Variants in SYT6 observed in about 807,000 individuals in gnomAD.
SYT6 encodes the protein synaptotagmin 6.
Under a neutral mutation model 38.4 loss-of-function variants are expected in SYT6, and 24 were observed. That is an observed-to-expected ratio of 0.62 (90% CI 0.45 to 0.88). The LOEUF is 0.88. SYT6 is among the 40% of genes least tolerant of loss of function. The probability of loss-of-function intolerance (pLI) is 0.00; values close to 1 mark genes in which losing one functional copy is unlikely to be tolerated. For missense variants in SYT6, 611 were observed against 621.0 expected, an observed-to-expected ratio of 0.98 and a Z score of 0.17; for synonymous variants, 265 against 241.9, an observed-to-expected ratio of 1.10 and a Z score of -0.89.
At chr1:114,098,746 A>T (rs1557730568) in intron 5 of SYT6, among the ~76,000 whole-genome samples, 1 of 152,214 alleles carries the variant, frequency 6.6e-6, no homozygotes, top group Non-Finnish European at 1.5e-5. Flanking sequence ...GGGTGACAGT[A>T]GTAGCAACAG....
At chr1:114,093,910 C>G (rs1486282111) in intron 6 of SYT6, 107 bp from the exon 7 acceptor site, 4 of 1,024,900 alleles carry the variant, frequency 3.9e-6, no homozygotes, top group African/African-American at 1.6e-5. Flanking sequence ...TACTAATGCT[C>G]TTATTTAACA....
intron 7 of SYT6, 33 bp downstream of exon 7, chr1:114,093,701 AC>A: frequency 6.2e-7 from 1 of 1,601,960 alleles, no homozygotes; most frequent in Non-Finnish European, 8.5e-7. Context: ...GTAATAAGCA[AC>A]CTAACGTCTT....
At chr1:114,106,773 C>A (rs949618227) in intron 3 of SYT6, among the ~76,000 whole-genome samples, 6 of 152,136 alleles carry the variant, frequency 3.9e-5, no homozygotes, top group Non-Finnish European at 8.8e-5. Context: ...CTCCCGAACA[C>A]CCCTGCAGGG....
intron 3 of SYT6, among the ~76,000 whole-genome samples, chr1:114,129,447 T>A (rs1296642525): frequency 6.6e-6 from 1 of 151,934 alleles, no homozygotes; most frequent in African/African-American, 2.4e-5. Context: ...TCCCACTTCA[T>A]CTTTCACTCT....
intron 6 of SYT6, among the ~76,000 whole-genome samples, chr1:114,094,387 C>G (rs550934160): frequency 6.6e-6 from 1 of 152,204 alleles, no homozygotes; most frequent in Non-Finnish European, 1.5e-5. Context: ...TTTAACATCT[C>G]TGGCAGATGA....
chr1:114,131,644 G>T (rs866461244), intron 3 of SYT6, among the ~76,000 whole-genome samples: 1 of 152,168 alleles, frequency 6.6e-6, no homozygotes, highest in Non-Finnish European at 1.5e-5. Context: ...GATATGGAGG[G>T]CTCTTGCTTT....
At chr1:114,144,114 G>A (rs75211902) in intron 1 of SYT6, among the ~76,000 whole-genome samples, 1,965 of 152,226 alleles carry the variant, frequency 0.013, 44 homozygotes, top group African/African-American at 0.045. Context: ...CATCATCATC[G>A]TCACCCCAGA....
intron 3 of SYT6, among the ~76,000 whole-genome samples, chr1:114,112,043 C>T (rs1676717415): frequency 6.6e-6 from 1 of 152,174 alleles, no homozygotes; most frequent in Non-Finnish European, 1.5e-5. Flanking sequence ...CTGCTGGGTG[C>T]TGGGGCAGGT....
In SYT6 at chr1:114,091,506, A is replaced by G. The variant is rs1675299191; in HGVS notation, c.*628T>C. 6.6e-6 allele frequency: 1 copy of G among 152,528 alleles called. No homozygotes were observed. Among genetic ancestry groups the G allele is most frequent in the African/African-American group, 2.4e-5 (1 of 41,464 alleles). The allele number at this position is 152,528 out of a possible 1,614,324, so 9.4% of individuals were successfully genotyped here. ...GTCCCAGCGTGGTTTATGTCCTGCC[A>G]GCGAAGAGCTTCAAAGACTAGTAAT... On this transcript the variant is annotated 3_prime_UTR_variant, in exon 8 of 8. Coordinates refer to ENST00000610222, the MANE Select transcript of SYT6 (RefSeq NM_001253772.2).
intron 3 of SYT6, among the ~76,000 whole-genome samples, chr1:114,121,991 C>G (rs1425886386): frequency 3.9e-5 from 6 of 152,200 alleles, no homozygotes; most frequent in African/African-American, 1.4e-4. Flanking sequence ...ACAGGCCACA[C>G]AGTGGAGCCA....
rs754874998 is a variant in SYT6 at position 114,139,780 on chromosome 1, G to A, written c.347C>T (p.Ala116Val). The A allele has an allele frequency of 8.7e-6, 14 of 1,612,220 alleles. No homozygotes were observed. The highest frequency in any genetic ancestry group is 2.7e-5 in the African/African-American group (2 of 74,902). ...LQSPSFRGNM[A>V]DKLKDPSTLG... ...GGTGCTGGGGTCCTTCAGCTTGTCC[G>A]CCATGTTGCCTCTGAAGCTGGGGCT... The change falls in exon 2 of 8, where the codon GCG (alanine) becomes GTG (valine). Residue 116 changes from alanine to valine, a missense_variant. Ala to Val is a moderately conservative substitution (Grantham distance 64). Coordinates refer to ENST00000610222, the MANE Select transcript of SYT6 (RefSeq NM_001253772.2).
chr1:114,137,625 A>C lies in SYT6; in HGVS notation c.941T>G (p.Leu314Arg), dbSNP rs1278476764. 1 of 1,614,058 alleles carries C rather than the reference A, an allele frequency of 6.2e-7. No homozygotes were observed. Among genetic ancestry groups the C allele is most frequent in the African/African-American group, 1.3e-5 (1 of 74,920 alleles). ...GAAGCGGTCAAAGTCGAAGACACTG[A>C]GATGCAGCTTGCGGTCAGCCAGCTC... ...YEELADRKLH[L>R]SVFDFDRFSR... The change falls in exon 3 of 8, where the codon CTC becomes CGC. Residue 314 changes from leucine to arginine, a missense_variant. Coordinates refer to ENST00000610222, the MANE Select transcript of SYT6 (RefSeq NM_001253772.2).
chr1:114,106,899 G>C (rs1182224382), intron 3 of SYT6, among the ~76,000 whole-genome samples: 1 of 152,192 alleles, frequency 6.6e-6, no homozygotes. Flanking sequence ...CCTTGCACCT[G>C]CTTGTGCTTC....
At chr1:114,121,662 G>A (rs1357588576) in intron 3 of SYT6, among the ~76,000 whole-genome samples, 1 of 152,136 alleles carries the variant, frequency 6.6e-6, no homozygotes, top group Non-Finnish European at 1.5e-5. Context: ...TAGTGTGTAA[G>A]GAAAATGATA....
intron 1 of SYT6, 44 bp downstream of exon 1, chr1:114,153,566 G>T: frequency 1.7e-6 from 1 of 579,410 alleles, no homozygotes. Context: ...GGAGATCGCA[G>T]GACGGATATC....
chr1:114,113,804 C>A (rs1334043880), intron 3 of SYT6, among the ~76,000 whole-genome samples: 1 of 152,174 alleles, frequency 6.6e-6, no homozygotes, highest in Non-Finnish European at 1.5e-5. Context: ...CACACAGCAG[C>A]CAGAGTGCTC....
chr1:114,095,902 C>T (rs1486373966), intron 6 of SYT6, among the ~76,000 whole-genome samples: 3 of 152,104 alleles, frequency 2.0e-5, no homozygotes, highest in Non-Finnish European at 4.4e-5. Flanking sequence ...CCTCATGATC[C>T]ATCCACCTCG....
chr1:114,153,582 A>G, intron 1 of SYT6, 28 bp downstream of exon 1: 1 of 581,040 alleles, frequency 1.7e-6, no homozygotes, highest in South Asian at 2.1e-5. Context: ...ATATCCAGGA[A>G]GGGAGGGGGC....
chr1:114,102,770 G>T (rs769957399), intron 4 of SYT6, among the ~76,000 whole-genome samples: 1 of 152,136 alleles, frequency 6.6e-6, no homozygotes. Flanking sequence ...TTGCAATTCT[G>T]AGTGCAGCCC....
Sources: gnomAD v4.1 joint callset for allele counts (sites outside exome capture counted in the v4.1 genomes callset) on GRCh38, gnomAD v4.1.1 for gene constraint, MANE v1.5 for transcripts, NCBI Gene and HGNC (gene_info 2026-07-23, HGNC 2026-07-21) for gene names.